PRKRIP1: variants seen among roughly 807,000 people sequenced by gnomAD.
PRKRIP1 encodes PRKR-interacting protein 1.
PRKRIP1 carries 29 observed loss-of-function variants against 29.3 expected under a neutral mutation model. The observed-to-expected ratio is 0.99, with a 90% CI of 0.74 to 1.35. The LOEUF (loss-of-function observed/expected upper bound fraction) is 1.35. Ranked by LOEUF, PRKRIP1 falls within the 40% of genes most tolerant of loss-of-function variation. The pLI is 0.00. For synonymous variants in PRKRIP1, 90 were observed against 85.1 expected, an observed-to-expected ratio of 1.06 and a Z score of -0.32; for missense variants, 247 against 236.8, an observed-to-expected ratio of 1.04 and a Z score of -0.28.
chr7:102,409,716 C>CTG (rs1275852455), intron 5 of PRKRIP1, among the ~76,000 whole-genome samples: 1 of 151,884 alleles, frequency 6.6e-6, no homozygotes, highest in Non-Finnish European at 1.5e-5. Context: ...CCTATCTAGT[C>CTG]TGGAGGCTGA....
chr7:102,404,568 C>A, intron 3 of PRKRIP1, 30 bp from the exon 4 acceptor site: 1 of 1,581,206 alleles, frequency 6.3e-7, no homozygotes, highest in Non-Finnish European at 8.7e-7. Context: ...CAGACCAGAG[C>A]GTGTCTAAAT....
chr7:102,414,983 T>C (rs1339020112), intron 5 of PRKRIP1, among the ~76,000 whole-genome samples: 1 of 152,214 alleles, frequency 6.6e-6, no homozygotes, highest in Non-Finnish European at 1.5e-5. Flanking sequence ...GGAAATATAT[T>C]GCAGGTTACT....
intron 5 of PRKRIP1, among the ~76,000 whole-genome samples, chr7:102,413,907 A>T (rs1331826758): frequency 6.6e-6 from 1 of 152,082 alleles, no homozygotes; most frequent in East Asian, 1.9e-4. Flanking sequence ...TGGATCTTAA[A>T]ATAATATATA....
At chr7:102,402,336 G>A (rs998533307) in intron 3 of PRKRIP1, among the ~76,000 whole-genome samples, 2 of 151,984 alleles carry the variant, frequency 1.3e-5, no homozygotes, top group Non-Finnish European at 2.9e-5. Context: ...TGCTTGGGAG[G>A]CTGAGGCAGG....
chr7:102,426,464 G>A lies in PRKRIP1; in HGVS notation c.*1353G>A, dbSNP rs1287677943. Reference sequence around the variant, plus strand: ...CTTTGATAGAACTAAGGAAATAGTGGTTTTGAGTGAAGGGAAAGGAAACCC... The same window carrying A: ...CTTTGATAGAACTAAGGAAATAGTGATTTTGAGTGAAGGGAAAGGAAACCC... On this transcript the variant is annotated 3_prime_UTR_variant, in exon 6 of 6. Coordinates refer to ENST00000397912, the MANE Select transcript of PRKRIP1 (RefSeq NM_024653.4). 1 of 152,688 alleles carries A rather than the reference G, an allele frequency of 6.5e-6. No homozygotes were observed. Among genetic ancestry groups the A allele is most frequent in the Non-Finnish European group, 1.5e-5 (1 of 68,070 alleles). The allele number at this position is 152,688 out of a possible 1,614,324, so 9.5% of individuals were successfully genotyped here.
Position 102,396,370 on chromosome 7 carries a change from C to A in PRKRIP1, c.-42C>A, listed in dbSNP as rs781999063. On this transcript the variant is annotated 5_prime_UTR_variant, in exon 1 of 6. Transcript: ENST00000397912. Reference sequence around the variant, plus strand: ...GCGCGCGGCTGTGTCGTCATACTTGCGCGCCGACGCCGCCGCTCGCTTGTG... The same window carrying A: ...GCGCGCGGCTGTGTCGTCATACTTGAGCGCCGACGCCGCCGCTCGCTTGTG... 6.7e-7 allele frequency: 1 copy of A among 1,482,730 alleles called. No homozygotes were observed. Among genetic ancestry groups the A allele is most frequent in the Non-Finnish European group, 8.9e-7 (1 of 1,121,144 alleles). 91.8% of individuals were successfully genotyped at this position (1,482,730 alleles called of 1,614,324 possible).
chr7:102,398,831 C>T (rs1795988251), intron 2 of PRKRIP1, among the ~76,000 whole-genome samples: 1 of 152,110 alleles, frequency 6.6e-6, no homozygotes, highest in Non-Finnish European at 1.5e-5. Flanking sequence ...AGCATTATGT[C>T]TTTAAAAAGC....
intron 5 of PRKRIP1, among the ~76,000 whole-genome samples, chr7:102,412,102 C>T (rs1796401649): frequency 6.6e-6 from 1 of 151,026 alleles, no homozygotes; most frequent in Admixed American, 6.6e-5. Context: ...AGACTAGTCT[C>T]GAACTCCACC....
intron 3 of PRKRIP1, among the ~76,000 whole-genome samples, chr7:102,402,170 C>T (rs1308239364): frequency 4.6e-5 from 7 of 152,188 alleles, no homozygotes; most frequent in East Asian, 1.9e-4. Context: ...AAGCTGGGTG[C>T]GGCAGCTCAC....
At chr7:102,413,086 G>C (rs1356284818) in intron 5 of PRKRIP1, among the ~76,000 whole-genome samples, 1 of 152,198 alleles carries the variant, frequency 6.6e-6, no homozygotes, top group Admixed American at 6.5e-5. Flanking sequence ...TGATGCCTCA[G>C]GCTGGAAAAT....
chr7:102,400,219 A>C (rs1249889457), intron 3 of PRKRIP1, among the ~76,000 whole-genome samples: 1 of 152,092 alleles, frequency 6.6e-6, no homozygotes, highest in Non-Finnish European at 1.5e-5. Flanking sequence ...CTGAGGCAGG[A>C]GAATTGCTGG....
chr7:102,417,482 G>T (rs1017229657), intron 5 of PRKRIP1, among the ~76,000 whole-genome samples: 5 of 152,038 alleles, frequency 3.3e-5, no homozygotes, highest in African/African-American at 1.2e-4. Context: ...GTATGAGCTT[G>T]TGGGTATTCA....
At chr7:102,402,578 C>T (rs1796102479) in intron 3 of PRKRIP1, among the ~76,000 whole-genome samples, 1 of 152,132 alleles carries the variant, frequency 6.6e-6, no homozygotes, top group South Asian at 2.1e-4. Flanking sequence ...ATAAATTCGT[C>T]TGAAGTTTTT....
Position 102,396,432 on chromosome 7 carries a change from C to T in PRKRIP1, c.21C>T (p.Ser7=), listed in dbSNP as rs1795897832. The part of the protein sequence containing the change: MASPAA[S]SVRPPRPKKE... ...CTGCCATGGCTAGCCCAGCCGCCTC[C>T]TCGGTGCGACCACCGAGGCCCAAGA... The change falls in exon 1 of 6, where the codon TCC becomes TCT. Residue 7 remains serine (S), a synonymous_variant. Coordinates refer to ENST00000397912, the MANE Select transcript of PRKRIP1 (RefSeq NM_024653.4). 3 of 1,591,100 alleles carry T rather than the reference C, an allele frequency of 1.9e-6. No individual in the cohort carries two copies. In the South Asian group the frequency reaches 3.3e-5, roughly 18 times the overall value.
At chr7:102,399,747 A>G in intron 3 of PRKRIP1, 99 bp downstream of exon 3, 1 of 937,158 alleles carries the variant, frequency 1.1e-6, no homozygotes, top group South Asian at 1.4e-5. Flanking sequence ...GTGGTGGCTC[A>G]GGCCTGTAAT....
At chr7:102,414,946 C>T (rs1796492695) in intron 5 of PRKRIP1, among the ~76,000 whole-genome samples, 1 of 151,940 alleles carries the variant, frequency 6.6e-6, no homozygotes, top group Non-Finnish European at 1.5e-5. Flanking sequence ...TACTATATCA[C>T]AGAGTATAAA....
In PRKRIP1 at chr7:102,404,698, C is replaced by T; in HGVS notation, c.392+15C>T. ...CGGAAGAAGCGGTAAGCGGCATGGCCTAACTGTGATGACACTTAAGGGCCA... is the reference window on the plus strand; with the variant it reads ...CGGAAGAAGCGGTAAGCGGCATGGCTTAACTGTGATGACACTTAAGGGCCA... On this transcript the variant is annotated intron_variant, in intron 4 of 5. Coordinates refer to ENST00000397912, the MANE Select transcript of PRKRIP1 (RefSeq NM_024653.4). 6.2e-7 allele frequency: 1 copy of T among 1,608,168 alleles called. No homozygotes were observed. The highest frequency in any genetic ancestry group is 8.5e-7 in the Non-Finnish European group (1 of 1,175,780).
intron 5 of PRKRIP1, among the ~76,000 whole-genome samples, chr7:102,412,164 G>C (rs1226917506): frequency 6.6e-6 from 1 of 152,134 alleles, no homozygotes; most frequent in Non-Finnish European, 1.5e-5. Context: ...ACCACGCCCA[G>C]CCAGCACCTG....
intron 5 of PRKRIP1, among the ~76,000 whole-genome samples, chr7:102,410,420 A>T (rs1353698706): frequency 4.6e-5 from 7 of 152,200 alleles, no homozygotes; most frequent in African/African-American, 1.4e-4. Context: ...ACTGAGTCAG[A>T]GCAACTAAAG....
Sources: allele counts gnomAD v4.1 joint callset (sites outside exome capture counted in the v4.1 genomes callset), GRCh38; gene constraint gnomAD v4.1.1; transcripts MANE v1.5; gene names NCBI Gene and HGNC (gene_info 2026-07-23, HGNC 2026-07-21).